Variants in TTC7B observed in about 807,000 individuals in gnomAD.
TTC7B encodes tetratricopeptide repeat protein 7B.
In TTC7B, 28 loss-of-function variants were observed where a neutral mutation model predicts 106.8. The ratio of observed to expected loss-of-function variants is 0.26; its 90% CI spans 0.19 to 0.36. The LOEUF is 0.36. TTC7B is among the 10% of genes least tolerant of loss of function. The pLI is 1.00. For missense variants in TTC7B, 862 were observed against 1,076.4 expected, an observed-to-expected ratio of 0.80 and a Z score of 2.79; for synonymous variants, 405 against 430.6, an observed-to-expected ratio of 0.94 and a Z score of 0.74.
At position 90,759,261 on chromosome 14, in the gene TTC7B, T is replaced by G. The variant is rs1489742054; in HGVS notation, c.446-14339A>C. ...TTCTGAGCTTTCCAAATATGGATGC[T>G]TTTTGCATTCCCAAAGCATCACGAA... is the stretch of plus-strand genomic sequence containing the variant. On this transcript the variant is annotated intron_variant, in intron 3 of 19. Transcript: ENST00000328459. This position sits in a 1 kb window ranked among gnomAD's most constrained non-coding sequence, Gnocchi z 4.1. 6.6e-6 allele frequency among the ~76,000 whole-genome samples: 1 copy of G among 152,028 alleles called. No individual in the cohort carries two copies. Among genetic ancestry groups the G allele is most frequent in the Admixed American group, 6.6e-5 (1 of 15,260 alleles).
At chr14:90,752,709 C>A (rs56239257) in intron 3 of TTC7B, among the ~76,000 whole-genome samples, 36,600 of 152,144 alleles carry the variant, frequency 0.24, 5,434 homozygotes, top group East Asian at 0.38. Flanking sequence ...AAGGTGTTAA[C>A]ACCACCTTAT....
intron 19 of TTC7B, among the ~76,000 whole-genome samples, chr14:90,566,336 C>T (rs1036419781): frequency 6.6e-6 from 1 of 151,188 alleles, no homozygotes; most frequent in African/African-American, 2.4e-5. Flanking sequence ...AAAAGTGAAA[C>T]TCTATCTCCA....
At position 90,802,955 on chromosome 14, in the gene TTC7B, A is replaced by G. The variant is rs1286321; in HGVS notation, c.121+13220T>C. Among the ~76,000 whole-genome samples, 109,925 of 150,184 alleles carry G rather than the reference A, an allele frequency of 0.73. 40,806 individuals carry two copies. Among genetic ancestry groups the G allele is most frequent in the Middle Eastern group, 0.82 (242 of 294 alleles). ...CAGAAGTTCGAGACCAACATGGTGAAACCCCATCTCTGCTAAAAAAAAAAA... is the reference window on the plus strand; with the variant it reads ...CAGAAGTTCGAGACCAACATGGTGAGACCCCATCTCTGCTAAAAAAAAAAA... On this transcript the variant is annotated intron_variant, in intron 1 of 19. Coordinates refer to ENST00000328459, the MANE Select transcript of TTC7B (RefSeq NM_001010854.2). This position sits in a 1 kb window ranked among gnomAD's most constrained non-coding sequence, Gnocchi z 4.7.
intron 3 of TTC7B, among the ~76,000 whole-genome samples, chr14:90,746,679 AC>A (rs1889977709): frequency 6.6e-6 from 1 of 151,906 alleles, no homozygotes; most frequent in Non-Finnish European, 1.5e-5. Context: ...TTAATTTTGG[AC>A]CTTTTTATTT....
At chr14:90,764,078 A>G (rs1035596361) in intron 3 of TTC7B, among the ~76,000 whole-genome samples, 26 of 152,206 alleles carry the variant, frequency 1.7e-4, no homozygotes, top group African/African-American at 6.3e-4. Flanking sequence ...AGCTACAGTA[A>G]TAAAGACAGT....
intron 9 of TTC7B, among the ~76,000 whole-genome samples, chr14:90,670,718 C>A (rs1886599661): frequency 6.6e-6 from 1 of 152,130 alleles, no homozygotes; most frequent in Non-Finnish European, 1.5e-5. Flanking sequence ...GGGGCCATGT[C>A]AGAGGCTGAC....
chr14:90,794,540 C>A (rs1316171457), intron 1 of TTC7B, among the ~76,000 whole-genome samples: 2 of 152,002 alleles, frequency 1.3e-5, no homozygotes. Flanking sequence ...CTGGGTATTT[C>A]TTTATAGCAG....
At chr14:90,710,099 C>G (rs890229265) in intron 5 of TTC7B, among the ~76,000 whole-genome samples, 2 of 144,256 alleles carry the variant, frequency 1.4e-5, no homozygotes, top group African/African-American at 5.0e-5. Context: ...ATTCACCATT[C>G]TAGATACCAC....
chr14:90,736,333 G>A (rs984715086), intron 4 of TTC7B, among the ~76,000 whole-genome samples: 11 of 152,104 alleles, frequency 7.2e-5, no homozygotes, highest in African/African-American at 2.7e-4. Context: ...AGCACTTTGG[G>A]AGGCCAAGGC....
At position 90,754,556 on chromosome 14, in the gene TTC7B, A is replaced by G. The variant is rs1452595825; in HGVS notation, c.446-9634T>C. ...AAGAATTGTATTTGTTTATTATATT[A>G]CTTTTGTATATATTAAATAACAGCT... On this transcript the variant is annotated intron_variant, in intron 3 of 19. Coordinates refer to ENST00000328459, the MANE Select transcript of TTC7B (RefSeq NM_001010854.2). Among the ~76,000 whole-genome samples, 62 of 152,190 alleles carry G rather than the reference A, an allele frequency of 4.1e-4. 1 individual carries two copies. Among genetic ancestry groups the G allele is most frequent in the Admixed American group, 4.1e-3 (62 of 15,266 alleles).
At chr14:90,690,467 A>G (rs1595285401) in intron 6 of TTC7B, among the ~76,000 whole-genome samples, 1 of 152,244 alleles carries the variant, frequency 6.6e-6, no homozygotes, top group African/African-American at 2.4e-5. Flanking sequence ...TCCACTGCCT[A>G]AAACAGTACG....
intron 18 of TTC7B, among the ~76,000 whole-genome samples, chr14:90,590,016 G>A (rs148997837): frequency 6.6e-6 from 1 of 152,280 alleles, no homozygotes; most frequent in Non-Finnish European, 1.5e-5. Context: ...GGGGGTGGTG[G>A]GGGACAAAGT....
chr14:90,730,136 C>T lies in TTC7B; in HGVS notation c.637G>A (p.Glu213Lys), dbSNP rs1889269713. 6.2e-7 allele frequency: 1 copy of T among 1,613,914 alleles called. No homozygotes were observed. Among genetic ancestry groups the T allele is most frequent in the Non-Finnish European group, 8.5e-7 (1 of 1,179,948 alleles). ...CCTGTTTCTAGGAAAAAACCTAGTT[C>T]TTGATCGTGGGGAGCAGGGCCAGGC... ...PKPGPAPHDQ[E>K]LGFFLETGLQ... The change falls in exon 5 of 20, where the codon GAA (glutamate) becomes AAA (lysine). Residue 213 changes from glutamate to lysine, a missense_variant. Physicochemically the swap from Glu to Lys is moderately conservative, Grantham distance 56. Transcript: ENST00000328459.
chr14:90,737,849 A>G (rs186209518), intron 4 of TTC7B, among the ~76,000 whole-genome samples: 1 of 152,192 alleles, frequency 6.6e-6, no homozygotes, highest in Non-Finnish European at 1.5e-5. Context: ...GAGCCACTGC[A>G]CCCAATGTAT....
Position 90,805,926 on chromosome 14 carries a change from C to G in TTC7B, c.121+10249G>C, listed in dbSNP as rs927074128. Among the ~76,000 whole-genome samples the G allele has an allele frequency of 5.3e-5, 8 of 152,340 alleles. No homozygotes were observed. The South Asian group carries it at 1.4e-3, about 28-fold the overall frequency. Reference sequence around the variant, plus strand: ...GCCTTTGCCTCTGGAAGGGACTGCCCTTCCTCCTGGTTCCTCCCATGCAGG... The same window carrying G: ...GCCTTTGCCTCTGGAAGGGACTGCCGTTCCTCCTGGTTCCTCCCATGCAGG... On this transcript the variant is annotated intron_variant, in intron 1 of 19. Coordinates refer to ENST00000328459, the MANE Select transcript of TTC7B (RefSeq NM_001010854.2). The surrounding 1 kb of genome is among the most constrained non-coding windows in gnomAD (Gnocchi z 4.0).
At chr14:90,656,392 C>T (rs1885948736) in intron 11 of TTC7B, among the ~76,000 whole-genome samples, 1 of 152,128 alleles carries the variant, frequency 6.6e-6, no homozygotes, top group African/African-American at 2.4e-5. Flanking sequence ...GGCAATTAGA[C>T]TGAGTTTTCT....
At chr14:90,806,597 A>C (rs1595053422) in intron 1 of TTC7B, among the ~76,000 whole-genome samples, 1 of 152,170 alleles carries the variant, frequency 6.6e-6, no homozygotes, top group East Asian at 1.9e-4. Context: ...ACTCCACAAA[A>C]TAACCTTGCA....
At chr14:90,781,667 G>A (rs1411687381) in intron 2 of TTC7B, among the ~76,000 whole-genome samples, 1 of 152,174 alleles carries the variant, frequency 6.6e-6, no homozygotes, top group Non-Finnish European at 1.5e-5. Context: ...TAACCAAGGA[G>A]AGCCTTCCCA....
chr14:90,784,951 C>A (rs1416869006), intron 2 of TTC7B, among the ~76,000 whole-genome samples: 1 of 152,144 alleles, frequency 6.6e-6, no homozygotes, highest in Non-Finnish European at 1.5e-5. Context: ...TGACCAACAC[C>A]AATACTAACT....
Sources: gnomAD v4.1 joint callset for allele counts (sites outside exome capture counted in the v4.1 genomes callset) on GRCh38, gnomAD v4.1.1 for gene constraint, Gnocchi (gnomAD v3.1) non-coding constraint, MANE v1.5 for transcripts, NCBI Gene and HGNC (gene_info 2026-07-23, HGNC 2026-07-21) for gene names.